The following CPNE4 variants were observed in gnomAD, a reference collection of about 807,000 sequenced individuals.
The protein encoded by CPNE4 is copine 4.
CPNE4 carries 25 observed loss-of-function variants against 67.9 expected under a neutral mutation model. The observed-to-expected ratio is 0.37, with a 90% CI of 0.27 to 0.51. CPNE4 has a LOEUF of 0.51. CPNE4 is among the 20% of genes least tolerant of loss of function. CPNE4 has a pLI of 0.93. For synonymous variants in CPNE4, 242 were observed against 244.9 expected (o/e 0.99, Z 0.11); for missense variants, 464 against 690.8 (o/e 0.67, Z 3.68).
chr3:131,704,172 A>G (rs2081366684), intron 3 of CPNE4, among the ~76,000 whole-genome samples: 2 of 152,194 alleles, frequency 1.3e-5, no homozygotes, highest in Admixed American at 6.5e-5. Flanking sequence ...TCACTGTAGC[A>G]GGCAAGGAAA....
chr3:131,961,048 A>C (rs2072154609), intron 1 of CPNE4, among the ~76,000 whole-genome samples: 1 of 152,206 alleles, frequency 6.6e-6, no homozygotes. Context: ...AGAAATGTTC[A>C]AAGGTTTCTC....
At chr3:131,898,155 T>C (rs891015486) in intron 2 of CPNE4, among the ~76,000 whole-genome samples, 3 of 152,076 alleles carry the variant, frequency 2.0e-5, no homozygotes, top group African/African-American at 4.8e-5. Context: ...TAGTTAAACA[T>C]GCAAATAGGC....
chr3:131,639,601 C>T (rs961346022), intron 7 of CPNE4, among the ~76,000 whole-genome samples: 1 of 152,080 alleles, frequency 6.6e-6, no homozygotes, highest in Non-Finnish European at 1.5e-5. Flanking sequence ...GGTACCAATT[C>T]TATTGACGTT....
At chr3:131,641,496 TA>T (rs1201585554) in intron 7 of CPNE4, among the ~76,000 whole-genome samples, 3 of 152,038 alleles carry the variant, frequency 2.0e-5, no homozygotes, top group Non-Finnish European at 2.9e-5. Flanking sequence ...ATGGCCATGA[TA>T]AAAAAATAAA....
intron 1 of CPNE4, among the ~76,000 whole-genome samples, chr3:131,931,311 C>A (rs564474757): frequency 2.0e-5 from 3 of 152,182 alleles, no homozygotes; most frequent in East Asian, 1.9e-4. Context: ...AATTGGTAAA[C>A]CCATTTTATT....
At chr3:131,978,870 CAG>C (rs1256026086) in intron 1 of CPNE4, among the ~76,000 whole-genome samples, 2 of 151,640 alleles carry the variant, frequency 1.3e-5, no homozygotes, top group Non-Finnish European at 2.9e-5. Context: ...TGCTGTATCC[CAG>C]AGGTTTTGAC....
chr3:131,569,989 G>C (rs1398070332), intron 10 of CPNE4, among the ~76,000 whole-genome samples: 3 of 151,670 alleles, frequency 2.0e-5, no homozygotes, highest in Non-Finnish European at 4.4e-5. Flanking sequence ...TATATATATA[G>C]TTGTAATCAT....
chr3:131,773,712 A>G (rs1356864283), intron 2 of CPNE4, among the ~76,000 whole-genome samples: 1 of 152,190 alleles, frequency 6.6e-6, no homozygotes, highest in Non-Finnish European at 1.5e-5. Flanking sequence ...ATGCACATAT[A>G]GCCACTATAG....
chr3:131,877,346 G>C (rs146789335), intron 2 of CPNE4, among the ~76,000 whole-genome samples: 206 of 152,258 alleles, frequency 1.4e-3, no homozygotes, highest in Admixed American at 4.1e-3. Context: ...AAGCTCTCTA[G>C]GGAGGGGAGA....
intron 2 of CPNE4, among the ~76,000 whole-genome samples, chr3:131,848,794 C>T (rs566639596): frequency 3.3e-5 from 5 of 151,690 alleles, no homozygotes; most frequent in African/African-American, 7.3e-5. Flanking sequence ...AGGCCAAGAG[C>T]GTCAATTGCT....
At chr3:132,005,340 TATAC>T (rs1330564198) in intron 1 of CPNE4, among the ~76,000 whole-genome samples, 7 of 27,170 alleles carry the variant, frequency 2.6e-4, no homozygotes, top group East Asian at 1.8e-3. Flanking sequence ...TATATATATA[TATAC>T]ACACACACAC....
chr3:131,582,716 G>A (rs1937918263), intron 8 of CPNE4, among the ~76,000 whole-genome samples: 1 of 152,144 alleles, frequency 6.6e-6, no homozygotes, highest in Non-Finnish European at 1.5e-5. Context: ...GTGTATTGGG[G>A]CTGGCTCCTC....
intron 1 of CPNE4, among the ~76,000 whole-genome samples, chr3:131,954,538 G>A (rs1209172990): frequency 1.3e-5 from 2 of 152,172 alleles, no homozygotes; most frequent in African/African-American, 2.4e-5. Context: ...GGGTACATGT[G>A]CACAACGTGC....
At chr3:131,876,198 C>T (rs2087437854) in intron 2 of CPNE4, among the ~76,000 whole-genome samples, 1 of 151,042 alleles carries the variant, frequency 6.6e-6, no homozygotes, top group Admixed American at 6.6e-5. Flanking sequence ...GAGATGGCAC[C>T]CCTGCACTCC....
intron 1 of CPNE4, among the ~76,000 whole-genome samples, chr3:132,007,295 C>T (rs1392917059): frequency 6.6e-6 from 1 of 152,094 alleles, no homozygotes; most frequent in African/African-American, 2.4e-5. Flanking sequence ...AAAGATGAGA[C>T]GTGACTCAAA....
At chr3:132,010,056 G>A (rs929744197) in intron 1 of CPNE4, among the ~76,000 whole-genome samples, 1 of 152,196 alleles carries the variant, frequency 6.6e-6, no homozygotes, top group Non-Finnish European at 1.5e-5. Flanking sequence ...CCACATTCAA[G>A]GTAGTATAGG....
chr3:131,954,968 G>GAAA (rs3041609), intron 1 of CPNE4, among the ~76,000 whole-genome samples: 86 of 137,478 alleles, frequency 6.3e-4, no homozygotes, highest in Non-Finnish European at 9.4e-4. Flanking sequence ...GTATGCATGT[G>GAAA]AAAAAAAAAA....
rs778827214 is a variant in CPNE4 at position 131,905,404 on chromosome 3, T to C, written c.40A>G (p.Thr14Ala). 1 of 1,613,344 alleles carries C rather than the reference T, an allele frequency of 6.2e-7. No homozygotes were observed. Among genetic ancestry groups the C allele is most frequent in the African/African-American group, 1.3e-5 (1 of 74,886 alleles). Residue 14 changes from threonine to alanine, a missense_variant, in exon 2 of 16, where the codon ACA becomes GCA. By Grantham distance (58) the Thr-to-Ala change is moderately conservative. This residue lies in a region of CPNE4 where 170 missense variants were observed against 203.3 expected (regional missense o/e 0.84). Coordinates refer to ENST00000429747, the MANE Select transcript of CPNE4 (RefSeq NM_130808.3). Reference sequence around the variant, plus strand: ...CAGGGGCTGTTAAAGATTCCCAGTGTGTTGGCAGCGGACTCATAAATGTTG... The same window carrying C: ...CAGGGGCTGTTAAAGATTCCCAGTGCGTTGGCAGCGGACTCATAAATGTTG... ...MSNIYESAANTLGIFNSPCLT... is the reference protein window; with the variant it reads ...MSNIYESAANALGIFNSPCLT...
At chr3:131,949,909 AT>A (rs566312168) in intron 1 of CPNE4, among the ~76,000 whole-genome samples, 4 of 152,196 alleles carry the variant, frequency 2.6e-5, no homozygotes, top group Non-Finnish European at 5.9e-5. Flanking sequence ...AACACAATGT[AT>A]TCATCCATTC....
Sources: gnomAD v4.1 joint callset for allele counts (sites outside exome capture counted in the v4.1 genomes callset) on GRCh38, gnomAD v4.1.1 for gene constraint, gnomAD v4.1.1 regional missense constraint, MANE v1.5 for transcripts, NCBI Gene and HGNC (gene_info 2026-07-23, HGNC 2026-07-21) for gene names.